Variants in ASTL observed in about 807,000 individuals in gnomAD.
ASTL encodes the protein astacin like metalloendopeptidase.
Under a neutral mutation model 36.7 loss-of-function variants are expected in ASTL, and 27 were observed. The ratio of observed to expected loss-of-function variants is 0.73; its 90% CI spans 0.54 to 1.01. ASTL has a LOEUF of 1.01. Among genes scored for constraint, ASTL ranks in the 50% least tolerant of loss-of-function variants. The pLI is 0.00. For missense variants in ASTL, 524 were observed against 572.8 expected, an observed-to-expected ratio of 0.91 and a Z score of 0.87; for synonymous variants, 222 against 228.1, an observed-to-expected ratio of 0.97 and a Z score of 0.24.
chr2:96,138,319 T>C, intron 1 of ASTL, 63 bp downstream of exon 1: 2 of 1,464,358 alleles, frequency 1.4e-6, no homozygotes, highest in Admixed American at 3.8e-5. Flanking sequence ...CACAACCTTC[T>C]AGCCTCTCCC....
At chr2:96,137,785 G>A in intron 1 of ASTL, 85 bp from the exon 2 acceptor site, 1 of 1,383,152 alleles carries the variant, frequency 7.2e-7, no homozygotes, top group Non-Finnish European at 1.0e-6. Context: ...TGGGTGTGGG[G>A]GATCAGACGG....
At chr2:96,133,366 T>A (rs914782422) in intron 5 of ASTL, 59 bp downstream of exon 5, 1 of 1,196,362 alleles carries the variant, frequency 8.4e-7, no homozygotes, top group South Asian at 1.2e-5. Context: ...AATGGCCAAG[T>A]TAATTCCGGG....
chr2:96,138,326 T>A, intron 1 of ASTL, 56 bp downstream of exon 1: 17 of 1,506,604 alleles, frequency 1.1e-5, no homozygotes, highest in Non-Finnish European at 1.5e-5. Context: ...TTCTAGCCTC[T>A]CCCCAGCTTT....
rs377475350 is a variant in ASTL at position 96,133,402 on chromosome 2, C to G, written c.455+23G>C. 2.1e-6 allele frequency: 3 copies of G among 1,444,712 alleles called. No individual in the cohort carries two copies. In the South Asian group the frequency reaches 3.4e-5, roughly 16 times the overall value. 89.5% of individuals were successfully genotyped at this position (1,444,712 alleles called of 1,614,324 possible). A position where few individuals can be genotyped will look rare whatever the true frequency, so the allele number is the denominator to read the frequency against. ...CTGAACGCAGAAGCGAGCTGAGATA[C>G]GCATCCTGGCCCCGGCACTTACCCA... On this transcript the variant is annotated intron_variant, in intron 5 of 8. Coordinates refer to ENST00000342380, the MANE Select transcript of ASTL (RefSeq NM_001002036.4).
chr2:96,124,168 A>G lies in ASTL; in HGVS notation c.978T>C (p.Ser326=). 6.5e-7 allele frequency: 1 copy of G among 1,548,322 alleles called. No homozygotes were observed. Among genetic ancestry groups the G allele is most frequent in the Non-Finnish European group, 8.7e-7 (1 of 1,148,478 alleles). ...LSAESRSPDP[S]GSSAGGQPVP... Reference sequence around the variant, plus strand: ...CGGGCTGGCCTCCCGCACTGGAACCACTGGGGTCGGGGCTCCTGGATTCCG... The same window carrying G: ...CGGGCTGGCCTCCCGCACTGGAACCGCTGGGGTCGGGGCTCCTGGATTCCG... Residue 326 remains serine, a synonymous_variant, in exon 9 of 9, where the codon AGT becomes AGC. Transcript: ENST00000342380. This position sits in a 1 kb window ranked among gnomAD's most constrained non-coding sequence, Gnocchi z 4.1.
Position 96,124,318 on chromosome 2 carries a change from C to T in ASTL, c.875-47G>A. On this transcript the variant is annotated intron_variant, in intron 8 of 8. Coordinates refer to ENST00000342380, the MANE Select transcript of ASTL (RefSeq NM_001002036.4). The surrounding 1 kb of genome is among the most constrained non-coding windows in gnomAD (Gnocchi z 4.1). ...GTGGAACCTCAGAACTGTAGGATGA[C>T]ATGTGGCCCAGCTGTGCGGACCCAG... The T allele has an allele frequency of 6.8e-7, 1 of 1,460,184 alleles. No individual in the cohort carries two copies. Among genetic ancestry groups the T allele is most frequent in the Non-Finnish European group, 9.1e-7 (1 of 1,104,408 alleles). 90.5% of individuals were successfully genotyped at this position (1,460,184 alleles called of 1,614,324 possible).
Position 96,132,023 on chromosome 2 carries a change from C to T in ASTL, c.637+517G>A, listed in dbSNP as rs780272327. 6.6e-6 allele frequency among the ~76,000 whole-genome samples: 1 copy of T among 152,236 alleles called. No individual in the cohort carries two copies. The highest frequency in any genetic ancestry group is 1.5e-5 in the Non-Finnish European group (1 of 68,038). On this transcript the variant is annotated intron_variant, in intron 6 of 8. Transcript: ENST00000342380. The surrounding 1 kb of genome is among the most constrained non-coding windows in gnomAD (Gnocchi z 5.4). Reference sequence around the variant, plus strand: ...TCTCCCATGGCCACAGTCTGTGTTCCTTCTGCCTGCTCACTGGCACCACTG... The same window carrying T: ...TCTCCCATGGCCACAGTCTGTGTTCTTTCTGCCTGCTCACTGGCACCACTG...
chr2:96,138,409 A>G lies in ASTL; in HGVS notation c.28T>C (p.Trp10Arg), dbSNP rs1469582555. 2 of 1,610,892 alleles carry G rather than the reference A, an allele frequency of 1.2e-6. No homozygotes were observed. The highest frequency in any genetic ancestry group is 8.5e-7 in the Non-Finnish European group (1 of 1,178,680). MEGVGGLWP[W>R]VLGLLSLPGV... ...GGCAAGGAGAGCAGACCCAGCACCC[A>G]AGGCCAGAGACCCCCTACACCCTCC... is the stretch of plus-strand genomic sequence containing the variant. The change falls in exon 1 of 9, where the codon TGG (tryptophan) becomes CGG (arginine). Residue 10 changes from tryptophan to arginine, a missense_variant. By Grantham distance (101) the Trp-to-Arg change is moderately radical. Coordinates refer to ENST00000342380, the MANE Select transcript of ASTL (RefSeq NM_001002036.4).
chr2:96,126,671 C>T (rs1321044499), intron 8 of ASTL, among the ~76,000 whole-genome samples: 3 of 152,106 alleles, frequency 2.0e-5, no homozygotes, highest in African/African-American at 7.2e-5. Context: ...GCCTGACCAA[C>T]ATGGTGAAAC....
chr2:96,135,280 G>T, intron 3 of ASTL, 71 bp downstream of exon 3: 1 of 1,319,114 alleles, frequency 7.6e-7, no homozygotes, highest in Non-Finnish European at 1.1e-6. Context: ...ATGGCATCCA[G>T]GGTGGGCTCA....
intron 3 of ASTL, 39 bp from the exon 4 acceptor site, chr2:96,134,097 GC>G: frequency 1.4e-6 from 2 of 1,449,492 alleles, no homozygotes; most frequent in Non-Finnish European, 1.9e-6. Context: ...GGGGACAGAG[GC>G]CACCCAAGCT....
intron 5 of ASTL, 88 bp downstream of exon 5, chr2:96,133,337 C>A (rs1682224898): frequency 1.0e-6 from 1 of 968,418 alleles, no homozygotes; most frequent in Admixed American, 1.7e-5. Context: ...GAGGATGGGC[C>A]CAGGAATACA....
rs1682004595 is a variant in ASTL at position 96,123,745 on chromosome 2, T to C, written c.*105A>G. The C allele has an allele frequency of 2.3e-6, 2 of 887,408 alleles. No homozygotes were observed. The highest frequency in any genetic ancestry group is 3.5e-6 in the Non-Finnish European group (2 of 569,350). The allele number at this position is 887,408 out of a possible 1,614,324, so 55.0% of individuals were successfully genotyped here. On this transcript the variant is annotated 3_prime_UTR_variant, in exon 9 of 9. Transcript: ENST00000342380. The stretch of plus-strand genomic sequence containing the variant: ...TGGCCCTCTGAGATGGGGTGGTAGG[T>C]TGGGGCTGGAAGACAGTGGTGTGGC...
intron 2 of ASTL, among the ~76,000 whole-genome samples, chr2:96,137,267 G>T (rs1358753470): frequency 1.3e-5 from 2 of 152,210 alleles, no homozygotes; most frequent in South Asian, 4.1e-4. Context: ...TCTTATAAAA[G>T]TAACAATCCA....
chr2:96,132,803 C>G lies in ASTL; in HGVS notation c.456-82G>C. 7.5e-7 allele frequency: 1 copy of G among 1,336,118 alleles called. No homozygotes were observed. Among genetic ancestry groups the G allele is most frequent in the Non-Finnish European group, 1.0e-6 (1 of 970,988 alleles). 82.8% of individuals were successfully genotyped at this position (1,336,118 alleles called of 1,614,324 possible). On this transcript the variant is annotated intron_variant, in intron 5 of 8. Transcript: ENST00000342380. The surrounding 1 kb of genome is among the most constrained non-coding windows in gnomAD (Gnocchi z 5.4). ...CAGACCTGGGCTCTCCCTCCCCACA[C>G]AACACAAGATAGACAAACTCCCAAC...
At chr2:96,130,731 G>A (rs957007416) in intron 6 of ASTL, among the ~76,000 whole-genome samples, 5 of 152,062 alleles carry the variant, frequency 3.3e-5, no homozygotes, top group Non-Finnish European at 5.9e-5. Context: ...ACGCATACAC[G>A]CCACCTCGGT....
At chr2:96,129,689 G>A (rs918837666) in intron 8 of ASTL, 135 bp downstream of exon 8, 13 of 738,644 alleles carry the variant, frequency 1.8e-5, no homozygotes, top group African/African-American at 5.3e-5. Flanking sequence ...CTTGTTCTGC[G>A]TCGTTGTGGC....
Position 96,124,043 on chromosome 2 carries a change from G to A in ASTL, c.1103C>T (p.Ser368Phe). ...TGCTCCAGGCCTTGATCTTGGGGAGGAAGCTAGGGTCTGAGGCTGCCTTGC... is the reference window on the plus strand; with the variant it reads ...TGCTCCAGGCCTTGATCTTGGGGAGAAAGCTAGGGTCTGAGGCTGCCTTGC... ...ASARQPQTLASSPRSRPGAGA... is the reference protein window; with the variant it reads ...ASARQPQTLAFSPRSRPGAGA... Residue 368 changes from serine (S) to phenylalanine (F), a missense_variant, in exon 9 of 9, where the codon TCC becomes TTC. Physicochemically the swap from Ser to Phe is radical, Grantham distance 155 (BLOSUM62 -2). Coordinates refer to ENST00000342380, the MANE Select transcript of ASTL (RefSeq NM_001002036.4). This position sits in a 1 kb window ranked among gnomAD's most constrained non-coding sequence, Gnocchi z 4.1. 1 of 1,613,976 alleles carries A rather than the reference G, an allele frequency of 6.2e-7. No homozygotes were observed. The highest frequency in any genetic ancestry group is 8.5e-7 in the Non-Finnish European group (1 of 1,179,948).
chr2:96,124,316 G>C lies in ASTL; in HGVS notation c.875-45C>G. On this transcript the variant is annotated intron_variant, in intron 8 of 8. Coordinates refer to ENST00000342380, the MANE Select transcript of ASTL (RefSeq NM_001002036.4). This position sits in a 1 kb window ranked among gnomAD's most constrained non-coding sequence, Gnocchi z 4.1. ...AGGTGGAACCTCAGAACTGTAGGAT[G>C]ACATGTGGCCCAGCTGTGCGGACCC... 2.0e-6 allele frequency: 3 copies of C among 1,466,088 alleles called. No individual in the cohort carries two copies. Among genetic ancestry groups the C allele is most frequent in the Non-Finnish European group, 2.7e-6 (3 of 1,107,516 alleles). The allele number at this position is 1,466,088 out of a possible 1,614,324, so 90.8% of individuals were successfully genotyped here.
Sources: allele counts gnomAD v4.1 joint callset (sites outside exome capture counted in the v4.1 genomes callset), GRCh38; gene constraint gnomAD v4.1.1; non-coding constraint Gnocchi (gnomAD v3.1); transcripts MANE v1.5; gene names NCBI Gene and HGNC (gene_info 2026-07-23, HGNC 2026-07-21).